Variants in TACC1 observed in about 807,000 individuals in gnomAD.
The protein encoded by TACC1 is transforming acidic coiled-coil-containing protein 1.
In TACC1, 48 loss-of-function variants were observed where a neutral mutation model predicts 84.4. The observed-to-expected ratio is 0.57, with a 90% CI of 0.45 to 0.72. The LOEUF is 0.72. TACC1 is among the 30% of genes least tolerant of loss of function. TACC1 has a pLI of 0.00. For synonymous variants in TACC1, 372 were observed against 376.3 expected (o/e 0.99, Z 0.13); for missense variants, 920 against 973.0 (o/e 0.95, Z 0.72).
At chr8:38,763,141 T>A (rs1811548807) in intron 3 of TACC1, among the ~76,000 whole-genome samples, 1 of 151,274 alleles carries the variant, frequency 6.6e-6, no homozygotes, top group Non-Finnish European at 1.5e-5. Flanking sequence ...GTATCTCATT[T>A]GTTGTTGTTG....
chr8:38,793,847 G>A (rs1819339335), intron 2 of TACC1, among the ~76,000 whole-genome samples: 1 of 152,118 alleles, frequency 6.6e-6, no homozygotes, highest in Non-Finnish European at 1.5e-5. Context: ...TTGGAACAGA[G>A]ACCAAATGTC....
chr8:38,756,615 C>T (rs1426821154), intron 3 of TACC1, among the ~76,000 whole-genome samples: 1 of 152,156 alleles, frequency 6.6e-6, no homozygotes, highest in Non-Finnish European at 1.5e-5. Context: ...GCCTGGTTGT[C>T]AGAGCCTAAA....
chr8:38,791,994 C>T (rs1449871941), intron 2 of TACC1, among the ~76,000 whole-genome samples: 2 of 152,170 alleles, frequency 1.3e-5, no homozygotes, highest in Admixed American at 6.5e-5. Flanking sequence ...ATGACTCTTC[C>T]TAAGAGTTGT....
Position 38,852,082 on chromosome 8 carries a change from C to A in TACC1, c.*4059C>A. ...AGAGACTATCAGCGGCAGCATTCTC[C>A]AGGGAAGACCCATCCCCTAGTGCCA... On this transcript the variant is annotated 3_prime_UTR_variant, in exon 13 of 13. Transcript: ENST00000317827. The A allele has an allele frequency of 2.7e-6, 1 of 370,444 alleles. No homozygotes were observed. The allele number at this position is 370,444 out of a possible 1,614,324, so 22.9% of individuals were successfully genotyped here.
At position 38,843,393 on chromosome 8, in the gene TACC1, C is replaced by G. The variant is rs751871933; in HGVS notation, c.2226C>G (p.Asp742Glu). ...ALKIHAEEKLDKANEEIAQVR... is the reference protein window; with the variant it reads ...ALKIHAEEKLEKANEEIAQVR... Reference sequence around the variant, plus strand: ...AAATCCACGCAGAAGAGAAACTGGACAAGTAAGAGCTTGTAAATGTTGAAT... The same window carrying G: ...AAATCCACGCAGAAGAGAAACTGGAGAAGTAAGAGCTTGTAAATGTTGAAT... Residue 742 changes from aspartate (D) to glutamate (E), a missense_variant and splice_region_variant, in exon 11 of 13, where the codon GAC becomes GAG. By Grantham distance (45) the Asp-to-Glu change is conservative. Coordinates refer to ENST00000317827, the MANE Select transcript of TACC1 (RefSeq NM_006283.3). 1 of 1,593,042 alleles carries G rather than the reference C, an allele frequency of 6.3e-7. No homozygotes were observed. The highest frequency in any genetic ancestry group is 8.6e-7 in the Non-Finnish European group (1 of 1,169,584).
intron 3 of TACC1, among the ~76,000 whole-genome samples, chr8:38,767,246 T>C (rs1049917250): frequency 3.3e-5 from 5 of 152,240 alleles, no homozygotes; most frequent in Non-Finnish European, 7.3e-5. Context: ...ACGTTTCCTC[T>C]GCCTTTTCAC....
At chr8:38,786,979 C>A (rs1817293857), upstream of TACC1, among the ~76,000 whole-genome samples, 1 of 151,968 alleles carries the variant, frequency 6.6e-6, no homozygotes, top group Admixed American at 6.6e-5. Flanking sequence ...AGAAAACGGT[C>A]CTCCTCTGCC....
chr8:38,838,412 C>G, intron 7 of TACC1, 58 bp from the exon 8 acceptor site: 1 of 1,276,744 alleles, frequency 7.8e-7, no homozygotes, highest in Admixed American at 1.7e-5. Context: ...ATTTCAGTTC[C>G]CAGTCTTAAA....
upstream of TACC1, among the ~76,000 whole-genome samples, chr8:38,783,077 T>TCTAC (rs1465551567): frequency 2.5e-4 from 24 of 95,262 alleles, no homozygotes; most frequent in African/African-American, 1.0e-3. Flanking sequence ...TATCTATCTA[T>TCTAC]CTATCTATCT....
intron 2 of TACC1, among the ~76,000 whole-genome samples, chr8:38,804,481 A>G (rs1179025728): frequency 6.6e-6 from 1 of 151,808 alleles, no homozygotes; most frequent in African/African-American, 2.4e-5. Flanking sequence ...TTGTATTTTT[A>G]GTAGAGATGG....
intron 2 of TACC1, among the ~76,000 whole-genome samples, chr8:38,808,875 T>C (rs1326661735): frequency 6.6e-6 from 1 of 152,014 alleles, no homozygotes. Context: ...CCCAAACTGG[T>C]TTAAGTAAAT....
chr8:38,765,224 AAC>A (rs556875097), intron 3 of TACC1, among the ~76,000 whole-genome samples: 286 of 152,080 alleles, frequency 1.9e-3, no homozygotes, highest in African/African-American at 6.4e-3. Context: ...GGTCTAGGCC[AAC>A]AAGAGTTTCT....
At position 38,820,467 on chromosome 8, in the gene TACC1, C is replaced by T; in HGVS notation, c.1223C>T (p.Pro408Leu). The T allele has an allele frequency of 9.9e-6, 16 of 1,614,196 alleles. 1 individual carries two copies. In the South Asian group the frequency reaches 1.5e-4, roughly 16 times the overall value. ...GSHSVLQNSP[P>L]LSSEGSYHFD... Reference sequence around the variant, plus strand: ...CACTCTGTTCTGCAGAACTCCCCACCCCTCTCTTCTGAGGGCTCCTACCAC... The same window carrying T: ...CACTCTGTTCTGCAGAACTCCCCACTCCTCTCTTCTGAGGGCTCCTACCAC... The change falls in exon 3 of 13, where the codon CCC (proline) becomes CTC (leucine). Residue 408 changes from proline (P) to leucine (L), a missense_variant. Physicochemically the swap from Pro to Leu is moderately conservative, Grantham distance 98 (BLOSUM62 -3). Around this residue, in one of 2 missense-constraint regions of TACC1, gnomAD observed 762 missense variants for 747.3 expected, o/e 1.02. Transcript: ENST00000317827.
chr8:38,790,466 G>T lies in TACC1; in HGVS notation c.277+1647G>T, dbSNP rs184737079. ...CAGCTTCTTTTGTAAAAGGCTCCCT[G>T]GGCTGCTGTGTGGAGAAGGGACTCT... is the stretch of plus-strand genomic sequence containing the variant. On this transcript the variant is annotated intron_variant, in intron 2 of 12. Transcript: ENST00000317827. Among the ~76,000 whole-genome samples the T allele has an allele frequency of 1.2e-3, 186 of 152,276 alleles. 2 individuals are homozygous for T. Among genetic ancestry groups the T allele is most frequent in the African/African-American group, 4.2e-3 (175 of 41,542 alleles).
At chr8:38,741,312 T>C (rs1563751238) in intron 1 of TACC1, among the ~76,000 whole-genome samples, 1 of 152,046 alleles carries the variant, frequency 6.6e-6, no homozygotes, top group Non-Finnish European at 1.5e-5. Context: ...CCCGCCACCA[T>C]GCCTGGCTGA....
rs531271707 is a variant in TACC1, at chr8:38,825,342, T to G, written c.1426T>G (p.Ser476Ala). 5 of 1,614,136 alleles carry G rather than the reference T, an allele frequency of 3.1e-6. No individual in the cohort carries two copies. In the African/African-American group the frequency reaches 6.7e-5, roughly 22 times the overall value. ...TAAGGTGAAGAAGCATGAAACTCAG[T>G]CTCTCGCCCTGGATGCATGTTCTCG... ...GCKVKKHETQ[S>A]LALDACSRDE... Residue 476 changes from serine (S) to alanine (A), a missense_variant, in exon 4 of 13, where the codon TCT becomes GCT. By Grantham distance (99) the Ser-to-Ala change is moderately conservative. Transcript: ENST00000317827.
intron 3 of TACC1, chr8:38,757,438 G>A: frequency 8.7e-7 from 1 of 1,151,042 alleles, no homozygotes; most frequent in South Asian, 1.6e-5. Flanking sequence ...TCCAAGGGCC[G>A]CCTTTGGGGG....
At chr8:38,732,295 A>T (rs1252540730) in intron 1 of TACC1, among the ~76,000 whole-genome samples, 2 of 152,122 alleles carry the variant, frequency 1.3e-5, no homozygotes, top group African/African-American at 4.8e-5. Flanking sequence ...ATAAAGCAAA[A>T]ATATGTTTTT....
chr8:38,843,078 T>C (rs1368163664), intron 10 of TACC1, among the ~76,000 whole-genome samples: 1 of 152,218 alleles, frequency 6.6e-6, no homozygotes, highest in Non-Finnish European at 1.5e-5. Flanking sequence ...TGACCCTTAC[T>C]GTATGATATT....
Sources: allele counts gnomAD v4.1 joint callset (sites outside exome capture counted in the v4.1 genomes callset), GRCh38; gene constraint gnomAD v4.1.1; regional missense constraint gnomAD v4.1.1; transcripts MANE v1.5; gene names NCBI Gene and HGNC (gene_info 2026-07-23, HGNC 2026-07-21).